Variants in FN1 observed in about 807,000 individuals in gnomAD.
FN1 encodes fibronectin 1.
In FN1, 106 loss-of-function variants were observed where a neutral mutation model predicts 297.3. That is an observed-to-expected ratio of 0.36 (90% CI 0.30 to 0.42). FN1 has a LOEUF of 0.42. Among genes scored for constraint, FN1 ranks in the 10% least tolerant of loss-of-function variants. FN1 has a pLI of 1.00. For missense variants in FN1, 2,690 were observed against 3,124.9 expected (o/e 0.86, Z 3.32); for synonymous variants, 1,149 against 1,152.6 (o/e 1.00, Z 0.06).
chr2:215,402,137 T>C (rs1467214610), intron 20 of FN1, among the ~76,000 whole-genome samples: 6 of 152,214 alleles, frequency 3.9e-5, no homozygotes, highest in Admixed American at 3.9e-4. Context: ...CACAACTTTT[T>C]TTACAAATTA....
chr2:215,402,024 CTG>C (rs2106216006), intron 20 of FN1, among the ~76,000 whole-genome samples: 1 of 152,240 alleles, frequency 6.6e-6, no homozygotes, highest in African/African-American at 2.4e-5. Context: ...CTGCTGGTGA[CTG>C]TGCCAAAATG....
chr2:215,403,851 C>G (rs1170340991), intron 20 of FN1, among the ~76,000 whole-genome samples: 1 of 152,164 alleles, frequency 6.6e-6, no homozygotes, highest in Non-Finnish European at 1.5e-5. Context: ...ATTTCCTTGG[C>G]TTCATGTTCA....
At chr2:215,419,453 G>A (rs1209163248) in intron 11 of FN1, 68 bp from the exon 12 acceptor site, 9 of 1,300,602 alleles carry the variant, frequency 6.9e-6, no homozygotes, top group Non-Finnish European at 1.0e-5. Context: ...ATTTCAGGGT[G>A]CTAGAGCATA....
Position 215,372,326 on chromosome 2 carries a change from T to C in FN1, c.6297A>G (p.Pro2099=). The change falls in exon 40 of 46, where the codon CCA becomes CCG. Residue 2099 remains proline (P), a synonymous_variant. Transcript: ENST00000354785. ...CTGTGGAAGGAACATCCAAGATCTCTGGTCCATGAAGATTGGGGTGTGGAA... is the reference window on the plus strand; with the variant it reads ...CTGTGGAAGGAACATCCAAGATCTCCGGTCCATGAAGATTGGGGTGTGGAA... ...VTLPHPNLHG[P]EILDVPSTVQ... 2 of 1,614,152 alleles carry C rather than the reference T, an allele frequency of 1.2e-6. No individual in the cohort carries two copies. Among genetic ancestry groups the C allele is most frequent in the East Asian group, 2.2e-5 (1 of 44,874 alleles).
At chr2:215,375,780 C>T in intron 36 of FN1, 62 bp from the exon 37 acceptor site, 1 of 1,097,116 alleles carries the variant, frequency 9.1e-7, no homozygotes, top group Non-Finnish European at 1.4e-6. Flanking sequence ...AATTCTCAAG[C>T]TAGCCTGCAA....
chr2:215,378,297 G>C (rs376961715), intron 34 of FN1, 35 bp from the exon 35 acceptor site: 2 of 1,155,566 alleles, frequency 1.7e-6, no homozygotes, highest in East Asian at 2.3e-5. Flanking sequence ...CTTTAGCAAC[G>C]TCCTCAACTG....
chr2:215,383,970 A>G (rs2058564852), intron 30 of FN1, 50 bp downstream of exon 30: 2 of 1,581,240 alleles, frequency 1.3e-6, no homozygotes, highest in Admixed American at 1.7e-5. Context: ...ATTGCAAAAC[A>G]GTATCTGAAT....
intron 39 of FN1, among the ~76,000 whole-genome samples, chr2:215,373,121 G>GA (rs1269187088): frequency 1.3e-5 from 2 of 151,276 alleles, no homozygotes; most frequent in East Asian, 1.9e-4. Context: ...CTGTAGTAAA[G>GA]AAAAAAAATA....
At position 215,381,167 on chromosome 2, in the gene FN1, T is replaced by TA. The variant is rs1227676861; in HGVS notation, c.5165-88dup. The stretch of plus-strand genomic sequence containing the variant: ...ATAACATGCAAAGCAGTTTTGCAGA[T>TA]ACCATTTTCTTTGATGAAGTCCAAT... On this transcript the variant is annotated intron_variant, in intron 32 of 45. Coordinates refer to ENST00000354785, the MANE Select transcript of FN1 (RefSeq NM_212482.4). 14 of 1,345,428 alleles carry TA rather than the reference T, an allele frequency of 1.0e-5. No individual in the cohort carries two copies. In the African/African-American group the frequency reaches 1.4e-4, roughly 14 times the overall value. The allele number at this position is 1,345,428 out of a possible 1,614,324, so 83.3% of individuals were successfully genotyped here.
intron 11 of FN1, 140 bp from the exon 12 acceptor site, chr2:215,419,525 T>G (rs184088599): frequency 1.3e-6 from 1 of 762,356 alleles, no homozygotes; most frequent in East Asian, 2.7e-5. Context: ...AAAAAATATT[T>G]TGTTCACATT....
intron 25 of FN1, chr2:215,392,054 T>A (rs986898166): frequency 1.8e-5 from 9 of 493,592 alleles, no homozygotes; most frequent in Non-Finnish European, 2.9e-5. Flanking sequence ...TTAAAAAAAA[T>A]TTTAATCTAC....
chr2:215,375,186 G>C, intron 38 of FN1, 28 bp downstream of exon 38: 1 of 1,611,572 alleles, frequency 6.2e-7, no homozygotes, highest in Non-Finnish European at 8.5e-7. Flanking sequence ...TAGTAAGAAG[G>C]AAAATGACAG....
intron 20 of FN1, among the ~76,000 whole-genome samples, chr2:215,403,021 T>C (rs533386289): frequency 6.6e-6 from 1 of 152,288 alleles, no homozygotes; most frequent in East Asian, 1.9e-4. Flanking sequence ...ATTCTACATT[T>C]TAGTAAAAGA....
intron 13 of FN1, chr2:215,414,512 T>G: frequency 4.1e-6 from 1 of 245,754 alleles, no homozygotes; most frequent in Non-Finnish European, 7.3e-6. Context: ...CCTTAGATTC[T>G]CTTCCCACAT....
chr2:215,416,653 G>A (rs2063472315), intron 12 of FN1, among the ~76,000 whole-genome samples: 1 of 152,042 alleles, frequency 6.6e-6, no homozygotes, highest in Non-Finnish European at 1.5e-5. Flanking sequence ...ATTTAGTCTT[G>A]TCAATCATGA....
At chr2:215,384,424 C>T in intron 29 of FN1, 1 of 543,720 alleles carries the variant, frequency 1.8e-6, no homozygotes, top group Non-Finnish European at 3.3e-6. Flanking sequence ...TTTAAAATGT[C>T]ACTGAGTAGT....
At chr2:215,413,424 T>C (rs1332143491) in intron 13 of FN1, among the ~76,000 whole-genome samples, 1 of 152,216 alleles carries the variant, frequency 6.6e-6, no homozygotes, top group Non-Finnish European at 1.5e-5. Flanking sequence ...CAGCCACATT[T>C]GGGTTTATTA....
Position 215,435,539 on chromosome 2 carries a change from G to C in FN1, c.148+116C>G, listed in dbSNP as rs561855495. The C allele has an allele frequency of 9.9e-5, 145 of 1,467,764 alleles. 3 individuals are homozygous for C. The South Asian group carries it at 1.6e-3, about 17-fold the overall frequency. 90.9% of individuals were successfully genotyped at this position (1,467,764 alleles called of 1,614,324 possible). Reference sequence around the variant, plus strand: ...TTGTGTGCACAGCTGGTTTCTCTCAGTAAAGCGCGCACACACTCGCACACA... The same window carrying C: ...TTGTGTGCACAGCTGGTTTCTCTCACTAAAGCGCGCACACACTCGCACACA... On this transcript the variant is annotated intron_variant, in intron 1 of 45. Transcript: ENST00000354785.
rs765229420 is a variant in FN1 at position 215,408,175 on chromosome 2, C to T, written c.2451G>A (p.Thr817=). The T allele has an allele frequency of 3.2e-5, 51 of 1,613,806 alleles. No individual in the cohort carries two copies. Among genetic ancestry groups the T allele is most frequent in the Admixed American group, 1.5e-4 (9 of 59,964 alleles). Residue 817 remains threonine, a synonymous_variant, in exon 17 of 46, where the codon ACG becomes ACA. Transcript: ENST00000354785. The part of the protein sequence containing the change: ...QTTAPDAPPD[T]TVDQVDDTSI... ...AGGTGTCATCAACTTGGTCCACAGT[C>T]GTGTCAGGAGGGGCATCAGGCGCTA...
Sources: allele counts gnomAD v4.1 joint callset (sites outside exome capture counted in the v4.1 genomes callset), GRCh38; gene constraint gnomAD v4.1.1; transcripts MANE v1.5; gene names NCBI Gene and HGNC (gene_info 2026-07-23, HGNC 2026-07-21).